The following DPP6 variants were observed in gnomAD, a reference collection of about 807,000 sequenced individuals.
The protein encoded by DPP6 is dipeptidyl peptidase like 6.
DPP6 carries 69 observed loss-of-function variants against 122.6 expected under a neutral mutation model. The observed-to-expected ratio is 0.56, with a 90% CI of 0.46 to 0.69. The LOEUF (loss-of-function observed/expected upper bound fraction) is 0.69. Ranked by LOEUF, DPP6 falls within the 30% of genes least tolerant of loss-of-function variation. The probability of loss-of-function intolerance (pLI) is 0.00; values close to 1 mark genes in which losing one functional copy is unlikely to be tolerated. For missense variants in DPP6, 928 were observed against 1,116.9 expected (o/e 0.83, Z 2.41); for synonymous variants, 418 against 433.1 (o/e 0.97, Z 0.43).
intron 10 of DPP6, among the ~76,000 whole-genome samples, chr7:154,787,717 A>T (rs1278966356): frequency 6.6e-6 from 1 of 152,228 alleles, no homozygotes; most frequent in Non-Finnish European, 1.5e-5. Context: ...AGGTGCTAAA[A>T]AATGTACAAA....
chr7:154,129,733 G>T (rs908873242), intron 1 of DPP6, among the ~76,000 whole-genome samples: 6 of 152,004 alleles, frequency 3.9e-5, no homozygotes, highest in Non-Finnish European at 8.8e-5. Flanking sequence ...CCCTGTCTCT[G>T]CTAAAAAGAC....
intron 3 of DPP6, among the ~76,000 whole-genome samples, chr7:154,476,872 G>A (rs1279785314): frequency 1.3e-5 from 2 of 152,066 alleles, no homozygotes; most frequent in South Asian, 4.1e-4. Flanking sequence ...CAGGCAGATC[G>A]CTTGAATCCA....
At chr7:154,517,398 C>T (rs1032586737) in intron 3 of DPP6, among the ~76,000 whole-genome samples, 7 of 152,064 alleles carry the variant, frequency 4.6e-5, no homozygotes, top group Admixed American at 6.6e-5. Context: ...GCACCCAGCA[C>T]GGTGTCTGCA....
chr7:153,923,618 G>A (rs190444088), intron 1 of DPP6, among the ~76,000 whole-genome samples: 3 of 151,848 alleles, frequency 2.0e-5, no homozygotes, highest in Non-Finnish European at 4.4e-5. Context: ...AAAATTAGCC[G>A]GGCATGGTGG....
rs186014590 is a variant in DPP6, at chr7:154,861,507, C to T, written c.1715-6488C>T. ...TGATATTTACATTCCATTTGTCCGC[C>T]CGTCACCCCAGAATTCTGTCCTAAC... On this transcript the variant is annotated intron_variant, in intron 17 of 25. Transcript: ENST00000377770. 1.9e-3 allele frequency among the ~76,000 whole-genome samples: 283 copies of T among 152,240 alleles called. 1 individual carries two copies. The highest frequency in any genetic ancestry group is 2.8e-3 in the Non-Finnish European group (190 of 68,014).
intron 5 of DPP6, among the ~76,000 whole-genome samples, chr7:154,636,574 C>G (rs1348495419): frequency 6.6e-6 from 1 of 152,222 alleles, no homozygotes; most frequent in Non-Finnish European, 1.5e-5. Context: ...AGCAAGGGGC[C>G]CCGGGCCGCA....
chr7:154,377,354 G>A (rs1445081418), intron 1 of DPP6, among the ~76,000 whole-genome samples: 2 of 152,198 alleles, frequency 1.3e-5, no homozygotes, highest in African/African-American at 2.4e-5. Context: ...GGCCCACACA[G>A]AGCGGTAGGA....
At chr7:154,359,235 A>G (rs1021015568) in intron 1 of DPP6, among the ~76,000 whole-genome samples, 1 of 152,104 alleles carries the variant, frequency 6.6e-6, no homozygotes, top group African/African-American at 2.4e-5. Flanking sequence ...TCCATGTGCA[A>G]TATCAGTCAT....
intron 10 of DPP6, among the ~76,000 whole-genome samples, chr7:154,778,169 T>C (rs1401828788): frequency 3.3e-5 from 5 of 152,166 alleles, no homozygotes. Context: ...GGCATTGTGA[T>C]AGAGAGCCAG....
intron 7 of DPP6, among the ~76,000 whole-genome samples, chr7:154,673,301 A>G (rs1458754343): frequency 2.6e-5 from 4 of 152,234 alleles, no homozygotes; most frequent in African/African-American, 9.6e-5. Flanking sequence ...CTTTGGGAAC[A>G]TGTAGCCTCC....
chr7:154,296,589 C>T lies in DPP6; in HGVS notation c.244-149625C>T, dbSNP rs567609571. Among the ~76,000 whole-genome samples, 8 of 152,244 alleles carry T rather than the reference C, an allele frequency of 5.3e-5. No homozygotes were observed. The East Asian group carries it at 7.8e-4, about 15-fold the overall frequency. On this transcript the variant is annotated intron_variant, in intron 1 of 25. Coordinates refer to ENST00000377770, the MANE Select transcript of DPP6 (RefSeq NM_130797.4). Reference sequence around the variant, plus strand: ...GCCTTAACGGCAGCACTGTGATTACCGTTATCTTGTCATGAAGGTTTATGA... The same window carrying T: ...GCCTTAACGGCAGCACTGTGATTACTGTTATCTTGTCATGAAGGTTTATGA...
At chr7:154,165,248 T>C (rs1264220581) in intron 1 of DPP6, among the ~76,000 whole-genome samples, 1 of 143,414 alleles carries the variant, frequency 7.0e-6, no homozygotes, top group East Asian at 2.1e-4. Context: ...TGAGTGAGAA[T>C]ATGCGGTGTT....
chr7:154,810,723 G>A (rs1002814954), intron 16 of DPP6, among the ~76,000 whole-genome samples: 18 of 151,106 alleles, frequency 1.2e-4, no homozygotes, highest in Non-Finnish European at 2.1e-4. Flanking sequence ...CCGGACCCCA[G>A]GTACAGCCAC....
chr7:154,793,128 T>C (rs1259841575), intron 10 of DPP6, among the ~76,000 whole-genome samples: 1 of 152,174 alleles, frequency 6.6e-6, no homozygotes, highest in African/African-American at 2.4e-5. Flanking sequence ...AGGAATTGTC[T>C]AGTGAATGTA....
At chr7:153,792,640 G>A in the DPP6 span, among the ~76,000 whole-genome samples, 62,554 of 150,708 alleles carry the variant, frequency 0.42, 11,061 homozygotes, top group Middle Eastern at 0.49. Flanking sequence ...TTTTGTCACA[G>A]ACTTGTTCTT....
chr7:154,124,768 A>G (rs921890207), intron 1 of DPP6, among the ~76,000 whole-genome samples: 2 of 152,208 alleles, frequency 1.3e-5, no homozygotes, highest in Admixed American at 6.5e-5. Context: ...GGATGGGGGT[A>G]AGTGTGCAGG....
chr7:154,339,208 A>G (rs1419602044), intron 1 of DPP6, among the ~76,000 whole-genome samples: 1 of 152,234 alleles, frequency 6.6e-6, no homozygotes, highest in Non-Finnish European at 1.5e-5. Flanking sequence ...GCACGCGTTA[A>G]GCAGTGCGTG....
intron 1 of DPP6, among the ~76,000 whole-genome samples, chr7:154,027,596 A>T (rs1316853740): frequency 1.3e-5 from 2 of 152,032 alleles, no homozygotes; most frequent in Non-Finnish European, 2.9e-5. Context: ...CAGGGGAAAA[A>T]TTTCAAAGTA....
intron 3 of DPP6, among the ~76,000 whole-genome samples, chr7:154,502,083 A>G (rs905987248): frequency 4.6e-5 from 7 of 152,184 alleles, no homozygotes; most frequent in Admixed American, 1.3e-4. Flanking sequence ...TGGGTCCTGT[A>G]GCCCCTTGGT....
Sources: gnomAD v4.1 joint callset for allele counts (sites outside exome capture counted in the v4.1 genomes callset) on GRCh38, gnomAD v4.1.1 for gene constraint, MANE v1.5 for transcripts, NCBI Gene and HGNC (gene_info 2026-07-23, HGNC 2026-07-21) for gene names.